Variants in DENND4A observed in about 807,000 individuals in gnomAD.
DENND4A encodes C-myc promoter-binding protein.
A neutral mutation model predicts 199.3 loss-of-function variants in DENND4A; 70 were observed. That is an observed-to-expected ratio of 0.35 (90% confidence interval 0.29 to 0.43). DENND4A has a LOEUF of 0.43. Among genes scored for constraint, DENND4A ranks in the 20% least tolerant of loss-of-function variants. DENND4A has a pLI of 1.00. For missense variants in DENND4A, 1,723 were observed against 2,255.8 expected, an observed-to-expected ratio of 0.76 and a Z score of 4.78; for synonymous variants, 686 against 766.9, an observed-to-expected ratio of 0.89 and a Z score of 1.74.
chr15:65,788,891 A>G (rs2077640766), intron 1 of DENND4A, among the ~76,000 whole-genome samples: 1 of 151,004 alleles, frequency 6.6e-6, no homozygotes, highest in South Asian at 2.1e-4. Context: ...ATAATTATTC[A>G]GAATAGAGAA....
chr15:65,741,373 T>C (rs910141744), intron 5 of DENND4A, among the ~76,000 whole-genome samples: 2 of 152,248 alleles, frequency 1.3e-5, no homozygotes, highest in African/African-American at 2.4e-5. Flanking sequence ...CATGATTTCA[T>C]GTGAACTACA....
At chr15:65,768,941 C>CTGAGTGAGTTGCAG (rs1372694154) in intron 1 of DENND4A, among the ~76,000 whole-genome samples, 1 of 151,612 alleles carries the variant, frequency 6.6e-6, no homozygotes, top group African/African-American at 2.4e-5. Flanking sequence ...TTGCAGTGAG[C>CTGAGTGAGTTGCAG]TGAGATCACA....
chr15:65,692,339 T>A (rs2077001219), intron 22 of DENND4A, among the ~76,000 whole-genome samples: 2 of 152,170 alleles, frequency 1.3e-5, no homozygotes. Context: ...GTTCACTGTT[T>A]TCTACCAAAT....
intron 12 of DENND4A, among the ~76,000 whole-genome samples, chr15:65,721,836 A>C (rs765091873): frequency 1.3e-5 from 2 of 152,176 alleles, no homozygotes; most frequent in Non-Finnish European, 2.9e-5. Context: ...TGGATTCTGA[A>C]TGGGTCATCT....
In DENND4A at chr15:65,660,858, GAT is replaced by G. The variant is rs1258766692; in HGVS notation, c.*991_*992del. ...GAATACCCCAGTAAGTCATATTTCA[GAT>G]AAATATTCTATAGTATAATTTGCAT... On this transcript the variant is annotated 3_prime_UTR_variant, in exon 33 of 33. Coordinates refer to ENST00000443035, the MANE Select transcript of DENND4A (RefSeq NM_001320835.1). 1 of 151,936 alleles carries G rather than the reference GAT, an allele frequency of 6.6e-6. No individual in the cohort carries two copies. Among genetic ancestry groups the G allele is most frequent in the Non-Finnish European group, 1.5e-5 (1 of 68,002 alleles). 9.4% of individuals were successfully genotyped at this position (151,936 alleles called of 1,614,324 possible). A position where few individuals can be genotyped will look rare whatever the true frequency, so the allele number is the denominator to read the frequency against.
chr15:65,753,141 G>C (rs2076611292), intron 3 of DENND4A, among the ~76,000 whole-genome samples: 1 of 152,042 alleles, frequency 6.6e-6, no homozygotes, highest in Non-Finnish European at 1.5e-5. Flanking sequence ...GAGGCACTAG[G>C]CTTTTATTTT....
chr15:65,745,559 T>C (rs925136828), intron 4 of DENND4A, among the ~76,000 whole-genome samples: 1 of 152,076 alleles, frequency 6.6e-6, no homozygotes, highest in Non-Finnish European at 1.5e-5. Context: ...CAAGCAGATA[T>C]TATGAATATA....
chr15:65,706,073 A>T lies in DENND4A; in HGVS notation c.2087+18T>A. The T allele has an allele frequency of 6.5e-7, 1 of 1,534,154 alleles. No homozygotes were observed. The highest frequency in any genetic ancestry group is 8.8e-7 in the Non-Finnish European group (1 of 1,141,216). ...TTGCTTCTCTCTTTCAATCTCAAAC[A>T]TTCTGCCTCTTGAATACCTGTACTG... On this transcript the variant is annotated intron_variant, in intron 15 of 32. Coordinates refer to ENST00000443035, the MANE Select transcript of DENND4A (RefSeq NM_001320835.1).
chr15:65,703,876 G>GA (rs2074955732), intron 15 of DENND4A, among the ~76,000 whole-genome samples: 1 of 152,100 alleles, frequency 6.6e-6, no homozygotes, highest in Non-Finnish European at 1.5e-5. Flanking sequence ...CAGCAGTTAG[G>GA]AAAAAGATAT....
At chr15:65,677,927 CTTT>C (rs11071847) in intron 23 of DENND4A, among the ~76,000 whole-genome samples, 138 of 100,098 alleles carry the variant, frequency 1.4e-3, no homozygotes, top group African/African-American at 4.6e-3. Flanking sequence ...CCTCTTATCT[CTTT>C]TTTTTTTTTT....
intron 23 of DENND4A, among the ~76,000 whole-genome samples, chr15:65,679,405 C>A (rs1289350453): frequency 6.6e-6 from 1 of 151,882 alleles, no homozygotes; most frequent in East Asian, 1.9e-4. Context: ...CTGGCCCGAT[C>A]CTCACTTTAA....
chr15:65,661,715 T>A lies in DENND4A; in HGVS notation c.*136A>T, dbSNP rs1046357613. The A allele has an allele frequency of 2.2e-5, 16 of 719,506 alleles. No homozygotes were observed. The East Asian group carries it at 3.9e-4, about 17-fold the overall frequency. 44.6% of individuals were successfully genotyped at this position (719,506 alleles called of 1,614,324 possible). On this transcript the variant is annotated 3_prime_UTR_variant, in exon 33 of 33. Transcript: ENST00000443035. ...TTCTCTTCTTCAAACATTCTGTACATAAGCTGTCTGAGTCTTTTGAACCAT... is the reference window on the plus strand; with the variant it reads ...TTCTCTTCTTCAAACATTCTGTACAAAAGCTGTCTGAGTCTTTTGAACCAT...
In DENND4A at chr15:65,659,213, A is replaced by G. The variant is rs2075770031; in HGVS notation, c.*2638T>C. 6.6e-6 allele frequency: 1 copy of G among 152,150 alleles called. No individual in the cohort carries two copies. The highest frequency in any genetic ancestry group is 6.6e-5 in the Admixed American group (1 of 15,266). The allele number at this position is 152,150 out of a possible 1,614,324, so 9.4% of individuals were successfully genotyped here. Reference sequence around the variant, plus strand: ...AAATAAAAGACAGATGCTGTAGCAAAAGGGCATTTCTCTCCAACATGATTG... The same window carrying G: ...AAATAAAAGACAGATGCTGTAGCAAGAGGGCATTTCTCTCCAACATGATTG... On this transcript the variant is annotated 3_prime_UTR_variant, in exon 33 of 33. Transcript: ENST00000443035.
At chr15:65,782,621 C>CACACACAT (rs1417571237) in intron 1 of DENND4A, among the ~76,000 whole-genome samples, 1 of 151,988 alleles carries the variant, frequency 6.6e-6, no homozygotes, top group African/African-American at 2.4e-5. Context: ...CAAAATAACA[C>CACACACAT]ACACACATAC....
At chr15:65,662,662 T>C (rs938308196) in intron 32 of DENND4A, among the ~76,000 whole-genome samples, 3 of 152,340 alleles carry the variant, frequency 2.0e-5, no homozygotes, top group Non-Finnish European at 1.5e-5. Context: ...TGCTAACTTA[T>C]TGCTTATTTT....
intron 9 of DENND4A, chr15:65,731,435 G>A (rs1386551649): frequency 3.4e-6 from 2 of 582,914 alleles, no homozygotes; most frequent in East Asian, 7.6e-5. Context: ...GATGATAATA[G>A]ATACACAAAA....
At chr15:65,721,454 C>T (rs1392950331) in intron 12 of DENND4A, among the ~76,000 whole-genome samples, 1 of 152,016 alleles carries the variant, frequency 6.6e-6, no homozygotes, top group Non-Finnish European at 1.5e-5. Context: ...ATGTGTATTA[C>T]ATAAATGGGT....
intron 2 of DENND4A, among the ~76,000 whole-genome samples, chr15:65,757,272 G>C (rs992410304): frequency 6.8e-5 from 10 of 146,052 alleles, no homozygotes; most frequent in South Asian, 2.3e-4. Flanking sequence ...TGGGGGGGGG[G>C]GGGTCTCACT....
Position 65,718,760 on chromosome 15 carries a change from C to CTTTTTTTT in DENND4A, c.1589-772_1589-765dup, listed in dbSNP as rs1038227560. Among the ~76,000 whole-genome samples the CTTTTTTTT allele has an allele frequency of 2.4e-3, 164 of 67,782 alleles. 4 individuals are homozygous for CTTTTTTTT. The highest frequency in any genetic ancestry group is 6.4e-3 in the East Asian group (14 of 2,194). 44.5% of individuals were successfully genotyped at this position (67,782 alleles called of 152,430 possible). On this transcript the variant is annotated intron_variant, in intron 12 of 32. Transcript: ENST00000443035. ...TCAAAAGTTTTGCATGTTTTTTTTCCTTTTTTTTTTTTTTTTTTTTTTTTT... is the reference window on the plus strand; with the variant it reads ...TCAAAAGTTTTGCATGTTTTTTTTCCTTTTTTTTTTTTTTTTTTTTTTTTTTTTTTTTT...
Sources: allele counts gnomAD v4.1 joint callset (sites outside exome capture counted in the v4.1 genomes callset), GRCh38; gene constraint gnomAD v4.1.1; transcripts MANE v1.5; gene names NCBI Gene and HGNC (gene_info 2026-07-23, HGNC 2026-07-21).